SLC31A1: variants seen among roughly 807,000 people sequenced by gnomAD.
The protein encoded by SLC31A1 is high affinity copper uptake protein 1.
In SLC31A1, 5 loss-of-function variants were observed where a neutral mutation model predicts 17.2. The observed-to-expected ratio is 0.29, with a 90% CI of 0.15 to 0.61. The LOEUF (loss-of-function observed/expected upper bound fraction) is 0.61, where lower values mean the gene tolerates loss of function less well. Ranked by LOEUF, SLC31A1 falls within the 20% of genes least tolerant of loss-of-function variation. SLC31A1 has a pLI of 0.86. For missense variants in SLC31A1, 161 were observed against 241.4 expected, an observed-to-expected ratio of 0.67 and a Z score of 2.21; for synonymous variants, 76 against 78.8, an observed-to-expected ratio of 0.96 and a Z score of 0.19.
intron 1 of SLC31A1, among the ~76,000 whole-genome samples, chr9:113,243,309 G>C (rs1039019184): frequency 6.6e-6 from 1 of 152,148 alleles, no homozygotes; most frequent in African/African-American, 2.4e-5. Context: ...AGGTGACCTA[G>C]GGATTGGACA....
At position 113,256,106 on chromosome 9, in the gene SLC31A1, CT is replaced by C; in HGVS notation, c.-35-6del. On this transcript the variant is annotated splice_region_variant and splice_polypyrimidine_tract_variant and intron_variant, in intron 1 of 4. Transcript: ENST00000374212. ...TAAATTATTATATATAATTCTTTCT[CT>C]TAAAAGAATCTTCTGCTGACTCTCA... 2 of 1,592,878 alleles carry C rather than the reference CT, an allele frequency of 1.3e-6. No individual in the cohort carries two copies. Among genetic ancestry groups the C allele is most frequent in the Non-Finnish European group, 1.7e-6 (2 of 1,163,186 alleles).
At chr9:113,249,739 A>G (rs1831624600) in intron 1 of SLC31A1, among the ~76,000 whole-genome samples, 1 of 152,200 alleles carries the variant, frequency 6.6e-6, no homozygotes, top group South Asian at 2.1e-4. Flanking sequence ...AGATTTTATC[A>G]TAGATTAAAG....
chr9:113,259,109 G>C (rs1831759640), intron 4 of SLC31A1, among the ~76,000 whole-genome samples: 1 of 152,216 alleles, frequency 6.6e-6, no homozygotes, highest in Non-Finnish European at 1.5e-5. Flanking sequence ...AAGAAGGGAA[G>C]TGAGGAATCC....
chr9:113,236,308 C>T (rs7864452), intron 1 of SLC31A1, among the ~76,000 whole-genome samples: 20,170 of 151,442 alleles, frequency 0.13, 1,479 homozygotes, highest in African/African-American at 0.19. Flanking sequence ...GAGTGCATTT[C>T]GACAAGTCAA....
At chr9:113,254,675 G>T (rs1427514098) in intron 1 of SLC31A1, among the ~76,000 whole-genome samples, 1 of 152,118 alleles carries the variant, frequency 6.6e-6, no homozygotes, top group African/African-American at 2.4e-5. Flanking sequence ...GAGTTGGACA[G>T]ATCACTTGAG....
intron 1 of SLC31A1, among the ~76,000 whole-genome samples, chr9:113,237,284 G>A (rs935572875): frequency 3.9e-5 from 6 of 152,150 alleles, no homozygotes; most frequent in Admixed American, 2.0e-4. Flanking sequence ...CTGGAGGGGG[G>A]TAACGATTAG....
rs766347864 is a variant in SLC31A1, at chr9:113,258,753, A to G, written c.262A>G (p.Ile88Val). The G allele has an allele frequency of 1.5e-5, 25 of 1,614,216 alleles. No individual in the cohort carries two copies. The highest frequency in any genetic ancestry group is 2.0e-5 in the Non-Finnish European group (24 of 1,180,042). ...AGCAATGTTCTATGAAGGACTCAAG[A>G]TAGCCCGAGAGAGCCTGCTGCGTAA... ...LLAMFYEGLK[I>V]ARESLLRKSQ... Residue 88 changes from isoleucine to valine, a missense_variant, in exon 4 of 5, where the codon ATA (isoleucine) becomes GTA (valine). Coordinates refer to ENST00000374212, the MANE Select transcript of SLC31A1 (RefSeq NM_001859.4). The surrounding 1 kb of genome is among the most constrained non-coding windows in gnomAD (Gnocchi z 4.8).
rs1202810030 is a variant in SLC31A1 at position 113,229,226 on chromosome 9, A to G, written c.-36+7548A>G. Reference sequence around the variant, plus strand: ...TACACAAGGATATTCAGTGAAAAGTATTTCATTTACTCCTACCCACTTCTG... The same window carrying G: ...TACACAAGGATATTCAGTGAAAAGTGTTTCATTTACTCCTACCCACTTCTG... On this transcript the variant is annotated intron_variant, in intron 1 of 4. Transcript: ENST00000374212. Among the ~76,000 whole-genome samples the G allele has an allele frequency of 5.3e-5, 8 of 152,200 alleles. No homozygotes were observed. The East Asian group carries it at 1.3e-3, about 26-fold the overall frequency.
intron 1 of SLC31A1, among the ~76,000 whole-genome samples, chr9:113,250,303 A>G (rs1275014964): frequency 7.7e-6 from 1 of 130,612 alleles, no homozygotes; most frequent in Non-Finnish European, 1.6e-5. Flanking sequence ...GATAGACTGG[A>G]TTAAGAAAAT....
chr9:113,256,781 A>T (rs946081187), intron 2 of SLC31A1, among the ~76,000 whole-genome samples: 3 of 152,006 alleles, frequency 2.0e-5, no homozygotes, highest in African/African-American at 7.2e-5. Context: ...GAATCGCTTG[A>T]ACCCAGGAGG....
intron 1 of SLC31A1, chr9:113,227,730 T>G (rs1045982275): frequency 6.6e-6 from 1 of 152,244 alleles, no homozygotes; most frequent in Admixed American, 6.5e-5. Context: ...ACCAACAACA[T>G]TATTATCCAA....
In SLC31A1 at chr9:113,258,906, C is replaced by CAGT; in HGVS notation, c.371+45_371+47dup. On this transcript the variant is annotated intron_variant, in intron 4 of 4. Coordinates refer to ENST00000374212, the MANE Select transcript of SLC31A1 (RefSeq NM_001859.4). The surrounding 1 kb of genome is among the most constrained non-coding windows in gnomAD (Gnocchi z 4.8). Reference sequence around the variant, plus strand: ...CAGATGAAGTCCTAAAGAACTCGATCAGTTAAGCAGCAAAGCGCAGCTGTG... The same window carrying CAGT: ...CAGATGAAGTCCTAAAGAACTCGATCAGTAGTTAAGCAGCAAAGCGCAGCTGTG... The CAGT allele has an allele frequency of 6.3e-7, 1 of 1,592,168 alleles. No homozygotes were observed. Among genetic ancestry groups the CAGT allele is most frequent in the South Asian group, 1.1e-5 (1 of 90,610 alleles).
At chr9:113,234,611 A>G (rs894614412) in intron 1 of SLC31A1, among the ~76,000 whole-genome samples, 2 of 149,086 alleles carry the variant, frequency 1.3e-5, no homozygotes. Flanking sequence ...TTTAGCATGC[A>G]TAAGAATTGT....
intron 1 of SLC31A1, among the ~76,000 whole-genome samples, chr9:113,251,971 C>T (rs1349400373): frequency 2.6e-5 from 4 of 152,162 alleles, no homozygotes; most frequent in Non-Finnish European, 5.9e-5. Flanking sequence ...TGTCTACTGA[C>T]AATGAGAGCA....
intron 3 of SLC31A1, among the ~76,000 whole-genome samples, chr9:113,257,593 C>A (rs139631968): frequency 0.063 from 9,423 of 148,412 alleles, 645 homozygotes; most frequent in East Asian, 0.34. Context: ...TCAAGCGATT[C>A]TCCTGCCTCA....
In SLC31A1 at chr9:113,221,587, T is replaced by G. The variant is rs1587983833; in HGVS notation, c.-127T>G. 1 of 422,548 alleles carries G rather than the reference T, an allele frequency of 2.4e-6. No individual in the cohort carries two copies. Among genetic ancestry groups the G allele is most frequent in the Non-Finnish European group, 4.5e-6 (1 of 224,140 alleles). 26.2% of individuals were successfully genotyped at this position (422,548 alleles called of 1,614,324 possible). On this transcript the variant is annotated 5_prime_UTR_variant, in exon 1 of 5. Transcript: ENST00000374212. ...GCGGTGGTGGACACGTCGAGCCGGG[T>G]AGAAGTGGAGGGGCCGTTCGAAGAG...
chr9:113,245,685 G>A (rs1167067071), intron 1 of SLC31A1, among the ~76,000 whole-genome samples: 1 of 151,660 alleles, frequency 6.6e-6, no homozygotes, highest in Non-Finnish European at 1.5e-5. Context: ...AGGCTGGAGT[G>A]CATGGCACAA....
At chr9:113,247,866 A>C (rs1831600192) in intron 1 of SLC31A1, among the ~76,000 whole-genome samples, 2 of 152,224 alleles carry the variant, frequency 1.3e-5, no homozygotes, top group Non-Finnish European at 2.9e-5. Context: ...TCAGGTACCT[A>C]ACTGAAGATA....
At chr9:113,228,942 G>T (rs1374190916) in intron 1 of SLC31A1, among the ~76,000 whole-genome samples, 5 of 151,990 alleles carry the variant, frequency 3.3e-5, no homozygotes, top group Non-Finnish European at 7.4e-5. Flanking sequence ...TGCCTCCTGG[G>T]TTCAAGTGAT....
Sources: gnomAD v4.1 joint callset for allele counts (sites outside exome capture counted in the v4.1 genomes callset) on GRCh38, gnomAD v4.1.1 for gene constraint, Gnocchi (gnomAD v3.1) non-coding constraint, MANE v1.5 for transcripts, NCBI Gene and HGNC (gene_info 2026-07-23, HGNC 2026-07-21) for gene names.